Variants in ZNF223 observed in about 807,000 individuals in gnomAD.
ZNF223 encodes the protein zinc finger protein 223, also known as Homo sapiens zinc finger protein 223.
In ZNF223, 9 loss-of-function variants were observed where a neutral mutation model predicts 12.3. That is an observed-to-expected ratio of 0.73 (90% confidence interval 0.44 to 1.28). ZNF223 has a LOEUF of 1.28. ZNF223 is among the 50% of genes most tolerant of loss of function. The pLI, the probability that ZNF223 is intolerant of heterozygous loss-of-function variation, is 0.00. For synonymous variants in ZNF223, 171 were observed against 195.2 expected, an observed-to-expected ratio of 0.88 and a Z score of 1.03; for missense variants, 506 against 579.0, an observed-to-expected ratio of 0.87 and a Z score of 1.29.
chr19:44,063,676 C>T (rs1005288223), intron 4 of ZNF223: 1 of 152,282 alleles, frequency 6.6e-6, no homozygotes, highest in Admixed American at 6.5e-5. Flanking sequence ...GCAGCACCTT[C>T]TGAAGTTAGC....
chr19:44,056,584 C>CCTTT (rs1568512087), intron 2 of ZNF223, among the ~76,000 whole-genome samples: 1 of 78,372 alleles, frequency 1.3e-5, no homozygotes, highest in Non-Finnish European at 2.3e-5. Context: ...AATGCCTCAC[C>CCTTT]ATTTTTTTTT....
rs1318835154 is a variant in ZNF223 at position 44,060,842 on chromosome 19, G to C, written c.235+1G>C. On this transcript the variant is annotated splice_donor_variant, in intron 4 of 4. Transcript: ENST00000434772. LOFTEE classifies it high-confidence loss of function. The stretch of plus-strand genomic sequence containing the variant: ...GCAACCCAAAGGGAAGGGAATTCAG[G>C]TAAGAAGCACGCAACTGTGTGTCCT... 2.2e-5 allele frequency: 35 copies of C among 1,611,470 alleles called. No individual in the cohort carries two copies. The highest frequency in any genetic ancestry group is 2.9e-5 in the Non-Finnish European group (34 of 1,178,314).
chr19:44,057,059 G>A (rs1347763610), intron 2 of ZNF223, among the ~76,000 whole-genome samples: 1 of 152,154 alleles, frequency 6.6e-6, no homozygotes, highest in East Asian at 1.9e-4. Context: ...TGTAAAAGAA[G>A]AAATAGAGAT....
intron 2 of ZNF223, among the ~76,000 whole-genome samples, chr19:44,056,623 T>C (rs1976771913): frequency 8.2e-6 from 1 of 121,522 alleles, no homozygotes; most frequent in Non-Finnish European, 1.6e-5. Flanking sequence ...AGATAGAGTC[T>C]CTCTCTGTTG....
Position 44,066,837 on chromosome 19 carries a change from A to T in ZNF223, c.1009A>T (p.Ile337Phe). 1 of 1,614,230 alleles carries T rather than the reference A, an allele frequency of 6.2e-7. No individual in the cohort carries two copies. The highest frequency in any genetic ancestry group is 2.2e-5 in the East Asian group (1 of 44,876). The change falls in exon 5 of 5, where the codon ATC becomes TTC. Residue 337 changes from isoleucine (I) to phenylalanine (F), a missense_variant. Physicochemically the swap from Ile to Phe is conservative, Grantham distance 21. Transcript: ENST00000434772. ...GCTGGATTTGTGTAAGCATCAGACG[A>T]TCCACACAGGAGAGAAACCATATAA... The part of the protein sequence containing the change: ...RRLDLCKHQT[I>F]HTGEKPYNCK...
At chr19:44,059,949 G>A (rs1976815071) in intron 2 of ZNF223, among the ~76,000 whole-genome samples, 1 of 152,198 alleles carries the variant, frequency 6.6e-6, no homozygotes, top group African/African-American at 2.4e-5. Context: ...AGAGTCAGGA[G>A]GACCTTTGTC....
Position 44,066,164 on chromosome 19 carries a change from C to A in ZNF223, c.336C>A (p.Thr112=). 1 of 1,614,124 alleles carries A rather than the reference C, an allele frequency of 6.2e-7. No homozygotes were observed. Among genetic ancestry groups the A allele is most frequent in the Non-Finnish European group, 8.5e-7 (1 of 1,180,014 alleles). The stretch of plus-strand genomic sequence containing the variant: ...GGGAAGAAATTGCAAGTGATTTAAC[C>A]AGGCCTCAAGACTCTACCATAAAGA... ...QIWEEIASDL[T]RPQDSTIKSS... Residue 112 remains threonine, a synonymous_variant, in exon 5 of 5, where the codon ACC becomes ACA. Coordinates refer to ENST00000434772, the MANE Select transcript of ZNF223 (RefSeq NM_013361.6).
intron 4 of ZNF223, among the ~76,000 whole-genome samples, chr19:44,064,747 T>G (rs1306798180): frequency 6.6e-6 from 1 of 152,154 alleles, no homozygotes; most frequent in East Asian, 1.9e-4. Flanking sequence ...AAGATGCATA[T>G]TATAGTTAAC....
In ZNF223 at chr19:44,067,243, A is replaced by G; in HGVS notation, c.1415A>G (p.Asp472Gly). 2 of 1,607,944 alleles carry G rather than the reference A, an allele frequency of 1.2e-6. No homozygotes were observed. The highest frequency in any genetic ancestry group is 2.2e-5 in the South Asian group (2 of 89,260). ...GKRYKRRLNLDIILSLFLNDT is the reference protein window; with the variant it reads ...GKRYKRRLNLGIILSLFLNDT ...CGCTACAAGAGGCGCTTGAATCTTGATATAATTTTATCATTATTTTTAAAT... is the reference window on the plus strand; with the variant it reads ...CGCTACAAGAGGCGCTTGAATCTTGGTATAATTTTATCATTATTTTTAAAT... Residue 472 changes from aspartate (D) to glycine (G), a missense_variant, in exon 5 of 5, where the codon GAT (aspartate) becomes GGT (glycine). By Grantham distance (94) the Asp-to-Gly change is moderately conservative. Transcript: ENST00000434772.
At chr19:44,057,359 C>T (rs1976782756) in intron 2 of ZNF223, among the ~76,000 whole-genome samples, 1 of 152,172 alleles carries the variant, frequency 6.6e-6, no homozygotes, top group South Asian at 2.1e-4. Context: ...GATGTTCTTA[C>T]ATCTTACTAC....
rs4375771 is a variant in ZNF223 at position 44,066,398 on chromosome 19, G to A, written c.570G>A (p.Ala190=). ...GAAAAAGCTTCTGTTACATCTCAGC[G>A]CTTCATATTCATCAGAGAGTCCACC... is the stretch of plus-strand genomic sequence containing the variant. ...ECGKSFCYIS[A]LHIHQRVHLG... The change falls in exon 5 of 5, where the codon GCG becomes GCA. Residue 190 remains alanine (A), a synonymous_variant. Transcript: ENST00000434772. The A allele has an allele frequency of 0.85, 1,373,973 of 1,614,100 alleles. 588,411 individuals carry two copies. The highest frequency in any genetic ancestry group is 0.87 in the Non-Finnish European group (1,031,780 of 1,180,024).
intron 1 of ZNF223, among the ~76,000 whole-genome samples, chr19:44,052,500 T>G (rs560666297): frequency 1.9e-4 from 29 of 152,322 alleles, no homozygotes; most frequent in African/African-American, 6.7e-4. Flanking sequence ...ATGAAAGCCT[T>G]AAAGTTGTCC....
intron 1 of ZNF223, among the ~76,000 whole-genome samples, chr19:44,053,866 C>T (rs1976731906): frequency 1.3e-5 from 2 of 152,316 alleles, no homozygotes; most frequent in Admixed American, 1.3e-4. Flanking sequence ...ACCAAGCATA[C>T]TGCCTGCAAA....
At chr19:44,053,424 A>G (rs1479203239) in intron 1 of ZNF223, among the ~76,000 whole-genome samples, 2 of 152,186 alleles carry the variant, frequency 1.3e-5, no homozygotes, top group African/African-American at 2.4e-5. Context: ...TTGTGCCTGG[A>G]TGTGCACATA....
rs1976916420 is a variant in ZNF223 at position 44,066,516 on chromosome 19, A to G, written c.688A>G (p.Lys230Glu). The G allele has an allele frequency of 6.2e-7, 1 of 1,614,216 alleles. No individual in the cohort carries two copies. Among genetic ancestry groups the G allele is most frequent in the South Asian group, 1.1e-5 (1 of 91,084 alleles). The change falls in exon 5 of 5, where the codon AAA becomes GAA. Residue 230 changes from lysine (K) to glutamate (E), a missense_variant. By Grantham distance (56) the Lys-to-Glu change is moderately conservative (BLOSUM62 1). Coordinates refer to ENST00000434772, the MANE Select transcript of ZNF223 (RefSeq NM_013361.6). ...TCATCAGAGAGTCCATACTGGAGAG[A>G]AACCTTTCAAATGTGAACAATGTGG... is the stretch of plus-strand genomic sequence containing the variant. The part of the protein sequence containing the change: ...QTHQRVHTGE[K>E]PFKCEQCGRG...
Position 44,067,037 on chromosome 19 carries a change from T to A in ZNF223, c.1209T>A (p.Asp403Glu), listed in dbSNP as rs1976928488. ...AHTGERPYNCDDCGKSFRQAS... is the reference protein window; with the variant it reads ...AHTGERPYNCEDCGKSFRQAS... ...CAGGAGAGAGACCTTATAACTGTGA[T>A]GACTGTGGGAAGAGCTTTAGACAGG... Residue 403 changes from aspartate to glutamate, a missense_variant, in exon 5 of 5, where the codon GAT becomes GAA. Coordinates refer to ENST00000434772, the MANE Select transcript of ZNF223 (RefSeq NM_013361.6). The A allele has an allele frequency of 5.0e-6, 8 of 1,613,036 alleles. No homozygotes were observed. Among genetic ancestry groups the A allele is most frequent in the Non-Finnish European group, 6.8e-6 (8 of 1,179,172 alleles).
intron 2 of ZNF223, 138 bp from the exon 3 acceptor site, chr19:44,060,317 A>AT (rs1168876417): frequency 1.4e-5 from 20 of 1,379,476 alleles, no homozygotes. Context: ...ACTAGAATGA[A>AT]TGGGAATTCT....
chr19:44,066,194 T>C lies in ZNF223; in HGVS notation c.366T>C (p.Ser122=), dbSNP rs767895885. 1 of 1,614,182 alleles carries C rather than the reference T, an allele frequency of 6.2e-7. No individual in the cohort carries two copies. The highest frequency in any genetic ancestry group is 8.5e-7 in the Non-Finnish European group (1 of 1,180,024). The change falls in exon 5 of 5, where the codon TCT becomes TCC. Residue 122 remains serine (S), a synonymous_variant. Transcript: ENST00000434772. ...TRPQDSTIKS[S]QFFEQGDAHS... is the part of the protein sequence containing the mutation. ...CTCAAGACTCTACCATAAAGAGCTC[T>C]CAGTTCTTTGAACAGGGTGATGCCC...
intron 4 of ZNF223, among the ~76,000 whole-genome samples, chr19:44,061,860 G>C (rs1976843560): frequency 6.6e-6 from 1 of 152,220 alleles, no homozygotes; most frequent in African/African-American, 2.4e-5. Context: ...GCAGGTGTCT[G>C]CTGAGTTTTA....
Sources: gnomAD v4.1 joint callset for allele counts (sites outside exome capture counted in the v4.1 genomes callset) on GRCh38, gnomAD v4.1.1 for gene constraint, MANE v1.5 for transcripts, NCBI Gene and HGNC (gene_info 2026-07-23, HGNC 2026-07-21) for gene names.